Variants in CEACAM20 observed in about 807,000 individuals in gnomAD.
CEACAM20 encodes the protein cell adhesion molecule CEACAM20.
A neutral mutation model predicts 61.2 loss-of-function variants in CEACAM20; 50 were observed. That is an observed-to-expected ratio of 0.82 (90% CI 0.65 to 1.03). CEACAM20 has a LOEUF of 1.03. Ranked by LOEUF, CEACAM20 falls within the 50% of genes least tolerant of loss-of-function variation. CEACAM20 has a pLI of 0.00. For missense variants in CEACAM20, 683 were observed against 736.4 expected, an observed-to-expected ratio of 0.93 and a Z score of 0.84; for synonymous variants, 282 against 287.7, an observed-to-expected ratio of 0.98 and a Z score of 0.20.
At chr19:44,529,392 ACACCG>A (rs1183611561) in intron 1 of CEACAM20, 61 bp downstream of exon 1, 4 of 1,131,002 alleles carry the variant, frequency 3.5e-6, no homozygotes, top group Middle Eastern at 2.1e-4. Flanking sequence ...ACACACACAC[ACACCG>A]CTGACAAATA....
intron 6 of CEACAM20, among the ~76,000 whole-genome samples, chr19:44,515,106 G>A (rs139567843): frequency 0.014 from 2,125 of 152,190 alleles, 23 homozygotes; most frequent in Middle Eastern, 0.024. Context: ...CCAAAGTGCT[G>A]GGATTACAGA....
Position 44,511,635 on chromosome 19 carries a change from A to T in CEACAM20, c.1611+2T>A. The T allele has an allele frequency of 6.2e-7, 1 of 1,612,568 alleles. No homozygotes were observed. Among genetic ancestry groups the T allele is most frequent in the Non-Finnish European group, 8.5e-7 (1 of 1,179,458 alleles). On this transcript the variant is annotated splice_donor_variant, in intron 10 of 11. Transcript: ENST00000614924. LOFTEE classifies it high-confidence loss of function. ...TAACCAAACCCAGCAGGGCCAATGT[A>T]CCTCATAGGTCTCCTCTGGAAGGTC...
chr19:44,522,605 A>AAGGAG, intron 4 of CEACAM20, 29 bp downstream of exon 4: 1 of 1,603,438 alleles, frequency 6.2e-7, no homozygotes, highest in Non-Finnish European at 8.5e-7. Context: ...CAGAAGAATG[A>AAGGAG]AGGAGAGGAA....
rs1446342735 is a variant in CEACAM20 at position 44,510,610 on chromosome 19, A to AAGAAAGAAAG, written c.1737+419_1737+420insCTTTCTTTCT. On this transcript the variant is annotated intron_variant, in intron 11 of 11. Transcript: ENST00000614924. Reference sequence around the variant, plus strand: ...AAAGAAAGAAAGAAAGAAAGAAAGAAAAAGGAAGGAAGGAAGAAAGAAAGA... The same window carrying AAGAAAGAAAG: ...AAAGAAAGAAAGAAAGAAAGAAAGAAAGAAAGAAAGAAAGGAAGGAAGGAAGAAAGAAAGA... 4.2e-3 allele frequency among the ~76,000 whole-genome samples: 247 copies of AAGAAAGAAAG among 58,850 alleles called. 10 individuals carry two copies. Among genetic ancestry groups the AAGAAAGAAAG allele is most frequent in the Middle Eastern group, 0.038 (5 of 132 alleles). 38.6% of individuals were successfully genotyped at this position (58,850 alleles called of 152,430 possible).
intron 5 of CEACAM20, among the ~76,000 whole-genome samples, chr19:44,519,963 T>G (rs1278522032): frequency 3.3e-5 from 5 of 152,190 alleles, no homozygotes; most frequent in Non-Finnish European, 7.4e-5. Flanking sequence ...GGTGCTTCCA[T>G]TCAAGTCTCT....
rs996249863 is a variant in CEACAM20 at position 44,518,234 on chromosome 19, GAAAGGA to G, written c.1031-1016_1031-1011del. Among the ~76,000 whole-genome samples, 50 of 122,658 alleles carry G rather than the reference GAAAGGA, an allele frequency of 4.1e-4. No homozygotes were observed. In the South Asian group the frequency reaches 8.2e-3, roughly 20 times the overall value. 80.5% of individuals were successfully genotyped at this position (122,658 alleles called of 152,430 possible). On this transcript the variant is annotated intron_variant, in intron 5 of 11. Coordinates refer to ENST00000614924, the MANE Select transcript of CEACAM20 (RefSeq NM_001102597.3). ...GGAAGGAAGGAGAGAGAGAGAGAGA[GAAAGGA>G]AGGAAGGAAGGAAGGAAGGAAAGGA...
intron 5 of CEACAM20, among the ~76,000 whole-genome samples, chr19:44,519,422 G>A (rs1280093281): frequency 6.6e-6 from 1 of 152,130 alleles, no homozygotes; most frequent in Non-Finnish European, 1.5e-5. Flanking sequence ...ACAGAGAAGT[G>A]TAAAGAGGAG....
Position 44,512,036 on chromosome 19 carries a change from C to T in CEACAM20, c.1556G>A (p.Gly519Glu). 6.2e-7 allele frequency: 1 copy of T among 1,609,804 alleles called. No homozygotes were observed. The highest frequency in any genetic ancestry group is 8.5e-7 in the Non-Finnish European group (1 of 1,178,166). The change falls in exon 9 of 12, where the codon GGA becomes GAA. Residue 519 changes from glycine to glutamate, a missense_variant. Transcript: ENST00000614924. ...PEYRNISQLQ[G>E]RIRVELMQPP... ...ACTCACCAGTTCGACTCTGATCCGT[C>T]CCTGAAGCTGGGATATATTGCGATA... is the stretch of plus-strand genomic sequence containing the variant.
intron 8 of CEACAM20, 83 bp downstream of exon 8, chr19:44,512,785 G>T: frequency 9.0e-7 from 1 of 1,106,276 alleles, no homozygotes; most frequent in Admixed American, 2.0e-5. Flanking sequence ...GTGACCTGGT[G>T]GCAAAGCTGG....
At chr19:44,519,581 G>C (rs971183688) in intron 5 of CEACAM20, among the ~76,000 whole-genome samples, 8 of 152,078 alleles carry the variant, frequency 5.3e-5, no homozygotes, top group African/African-American at 1.9e-4. Flanking sequence ...CGGTGGCTCA[G>C]GCAATAAACC....
intron 1 of CEACAM20, 106 bp downstream of exon 1, chr19:44,529,352 G>T: frequency 3.4e-6 from 3 of 879,412 alleles, no homozygotes; most frequent in South Asian, 1.6e-5. Context: ...TTTTCCTCGA[G>T]TGCACACACA....
In CEACAM20 at chr19:44,509,037, A is replaced by G. The variant is rs569908097; in HGVS notation, c.1737+1993T>C. Among the ~76,000 whole-genome samples, 21 of 152,320 alleles carry G rather than the reference A, an allele frequency of 1.4e-4. No individual in the cohort carries two copies. In the South Asian group the frequency reaches 4.4e-3, roughly 32 times the overall value. On this transcript the variant is annotated intron_variant, in intron 11 of 11. Transcript: ENST00000614924. Reference sequence around the variant, plus strand: ...GGAAATGAATGAAAAGGAATAGACTATTTAGGAATGTAACTGAAAGAGATG... The same window carrying G: ...GGAAATGAATGAAAAGGAATAGACTGTTTAGGAATGTAACTGAAAGAGATG...
intron 11 of CEACAM20, among the ~76,000 whole-genome samples, chr19:44,510,100 AAAT>A (rs1970927765): frequency 6.6e-6 from 1 of 152,164 alleles, no homozygotes; most frequent in South Asian, 2.1e-4. Flanking sequence ...TTAAAAGAAA[AAAT>A]AAAAATGGAT....
chr19:44,523,836 G>A (rs1971441516), intron 3 of CEACAM20, 150 bp downstream of exon 3: 2 of 866,408 alleles, frequency 2.3e-6, no homozygotes, highest in Admixed American at 2.9e-5. Flanking sequence ...GTTTCCAGTA[G>A]AATCCAAGTA....
At chr19:44,525,460 T>A (rs1971502489) in intron 1 of CEACAM20, among the ~76,000 whole-genome samples, 1 of 152,128 alleles carries the variant, frequency 6.6e-6, no homozygotes, top group Admixed American at 6.5e-5. Context: ...TTTTGTTTTT[T>A]GAGGCAGAGT....
At chr19:44,515,307 T>A (rs141783616) in intron 6 of CEACAM20, among the ~76,000 whole-genome samples, 29 of 152,252 alleles carry the variant, frequency 1.9e-4, no homozygotes, top group African/African-American at 6.5e-4. Flanking sequence ...TCATACATGA[T>A]CTTATTCAAA....
chr19:44,525,147 A>C lies in CEACAM20; in HGVS notation c.150T>G (p.Pro50=). The change falls in exon 2 of 12, where the codon CCT becomes CCG. Residue 50 remains proline (P), a synonymous_variant. Transcript: ENST00000614924. ...DATQSEDVVL[P]VFGTPRTPQI... is the part of the protein sequence containing the mutation. ...GGGGTGTCCTGGGGGTCCCAAACACAGGCAGAACAACATCCTCACTTTGGG... is the reference window on the plus strand; with the variant it reads ...GGGGTGTCCTGGGGGTCCCAAACACCGGCAGAACAACATCCTCACTTTGGG... The C allele has an allele frequency of 1.2e-6, 2 of 1,610,494 alleles. No homozygotes were observed. Among genetic ancestry groups the C allele is most frequent in the Non-Finnish European group, 1.7e-6 (2 of 1,178,534 alleles).
At chr19:44,529,675 CA>C (rs1971655191), upstream of CEACAM20, 2 of 595,796 alleles carry the variant, frequency 3.4e-6, no homozygotes. Flanking sequence ...CCAGGACAGA[CA>C]GGGGTGGTGG....
In CEACAM20 at chr19:44,520,484, C is replaced by T. The variant is rs575452187; in HGVS notation, c.1020G>A (p.Leu340=). 9 of 1,612,068 alleles carry T rather than the reference C, an allele frequency of 5.6e-6. No individual in the cohort carries two copies. The South Asian group carries it at 9.9e-5, about 18-fold the overall frequency. Residue 340 remains leucine (L), a synonymous_variant, in exon 5 of 12, where the codon CTG becomes CTA. Coordinates refer to ENST00000614924, the MANE Select transcript of CEACAM20 (RefSeq NM_001102597.3). ...GSRARSEPLE[L]TINYGPDQVH... ...CCCTGGGTGACTCACAGTTGATGGTCAGCTCAAGGGGCTCACTCCGGGCCC... is the reference window on the plus strand; with the variant it reads ...CCCTGGGTGACTCACAGTTGATGGTTAGCTCAAGGGGCTCACTCCGGGCCC...
Sources: gnomAD v4.1 joint callset for allele counts (sites outside exome capture counted in the v4.1 genomes callset) on GRCh38, gnomAD v4.1.1 for gene constraint, MANE v1.5 for transcripts, NCBI Gene and HGNC (gene_info 2026-07-23, HGNC 2026-07-21) for gene names.